The following TACR2 variants were observed in gnomAD, a reference collection of about 807,000 sequenced individuals.
TACR2 encodes substance-K receptor.
Under a neutral mutation model 28.9 loss-of-function variants are expected in TACR2, and 24 were observed. The ratio of observed to expected loss-of-function variants is 0.83; its 90% confidence interval spans 0.60 to 1.17. The LOEUF is 1.17. Among genes scored for constraint, TACR2 ranks in the 50% most tolerant of loss-of-function variants. TACR2 has a pLI of 0.00. For missense variants in TACR2, 487 were observed against 524.4 expected, an observed-to-expected ratio of 0.93 and a Z score of 0.70; for synonymous variants, 222 against 212.6, an observed-to-expected ratio of 1.04 and a Z score of -0.38.
chr10:69,414,514 G>C (rs1296052786), intron 2 of TACR2, among the ~76,000 whole-genome samples: 4 of 152,190 alleles, frequency 2.6e-5, no homozygotes, highest in Non-Finnish European at 5.9e-5. Flanking sequence ...GCATATTTGA[G>C]TAGCAGAGTG....
rs1395366637 is a variant in TACR2 at position 69,407,274 on chromosome 10, T to G, written c.748A>C (p.Lys250Gln). The change falls in exon 4 of 5, where the codon AAG becomes CAG. Residue 250 changes from lysine (K) to glutamine (Q), a missense_variant. Physicochemically the swap from Lys to Gln is moderately conservative, Grantham distance 53. Transcript: ENST00000373306. Reference protein sequence around the residue: ...RHLQAMKKFVKTMVLVVLTFA... With the variant: ...RHLQAMKKFVQTMVLVVLTFA... ...GTCAGCACCACCAGCACCATGGTCT[T>G]CACAAACTGGTCCAGGAGAGGCTCA... 1.2e-6 allele frequency: 2 copies of G among 1,610,644 alleles called. No homozygotes were observed. The highest frequency in any genetic ancestry group is 2.7e-5 in the African/African-American group (2 of 74,678).
intron 2 of TACR2, among the ~76,000 whole-genome samples, chr10:69,413,773 T>A (rs565148335): frequency 1.3e-5 from 2 of 152,306 alleles, no homozygotes; most frequent in Admixed American, 6.5e-5. Flanking sequence ...CCCTCATGCT[T>A]GGGGCAGCTG....
chr10:69,415,590 A>G (rs890237615), intron 1 of TACR2, among the ~76,000 whole-genome samples: 1 of 152,218 alleles, frequency 6.6e-6, no homozygotes, highest in African/African-American at 2.4e-5. Context: ...TGTATAAGAC[A>G]TATCTTTGGA....
chr10:69,415,241 A>AT, intron 1 of TACR2, 102 bp from the exon 2 acceptor site: 2 of 1,278,308 alleles, frequency 1.6e-6, no homozygotes, highest in East Asian at 2.5e-5. Context: ...CCTTCTAGCC[A>AT]TTCCCCGCAC....
chr10:69,409,599 T>G (rs1350031227), intron 2 of TACR2, among the ~76,000 whole-genome samples: 1 of 152,026 alleles, frequency 6.6e-6, no homozygotes, highest in Non-Finnish European at 1.5e-5. Context: ...ACAAGATATT[T>G]TGAGAGGGAG....
intron 4 of TACR2, among the ~76,000 whole-genome samples, chr10:69,405,766 G>A (rs1181523384): frequency 6.6e-6 from 1 of 152,160 alleles, no homozygotes; most frequent in Non-Finnish European, 1.5e-5. Flanking sequence ...ATCTCCCTTG[G>A]GTAGCAGGAG....
intron 2 of TACR2, among the ~76,000 whole-genome samples, chr10:69,413,293 G>T (rs1205069869): frequency 6.6e-6 from 1 of 152,076 alleles, no homozygotes; most frequent in Non-Finnish European, 1.5e-5. Context: ...AATCCTTTCG[G>T]AATTTTAAGC....
At chr10:69,410,390 G>T (rs755737299) in intron 2 of TACR2, among the ~76,000 whole-genome samples, 1 of 151,918 alleles carries the variant, frequency 6.6e-6, no homozygotes, top group African/African-American at 2.4e-5. Flanking sequence ...GCGTAATGGG[G>T]CACACCTGTA....
At chr10:69,410,069 A>G (rs1490641891) in intron 2 of TACR2, among the ~76,000 whole-genome samples, 3 of 151,690 alleles carry the variant, frequency 2.0e-5, no homozygotes, top group Non-Finnish European at 4.4e-5. Flanking sequence ...TCATCTGCTT[A>G]TGGTTTATCA....
At chr10:69,415,161 A>G (rs752073460) in intron 1 of TACR2, 22 bp from the exon 2 acceptor site, 1 of 1,598,612 alleles carries the variant, frequency 6.3e-7, no homozygotes, top group Admixed American at 1.7e-5. Context: ...GGGCAGCTTG[A>G]GCGGCAGGGG....
rs769491215 is a variant in TACR2 at position 69,415,958 on chromosome 10, G to A, written c.366C>T (p.Tyr122=). The A allele has an allele frequency of 6.2e-7, 1 of 1,614,182 alleles. No homozygotes were observed. The change falls in exon 1 of 5, where the codon TAC becomes TAT. Residue 122 remains tyrosine (Y), a synonymous_variant. Coordinates refer to ENST00000373306, the MANE Select transcript of TACR2 (RefSeq NM_001057.3). ...FPITAMFVSI[Y]SMTAIAADRY... The stretch of plus-strand genomic sequence containing the variant: ...TGTCGGCAGCAATGGCGGTCATGGA[G>A]TAGATGCTGACAAACATGGCTGTGA...
chr10:69,415,144 G>T lies in TACR2; in HGVS notation c.393-5C>A. 1 of 1,607,770 alleles carries T rather than the reference G, an allele frequency of 6.2e-7. No homozygotes were observed. The highest frequency in any genetic ancestry group is 8.5e-7 in the Non-Finnish European group (1 of 1,176,830). ...GGGTGGACGATGGCCATGTACCTGT[G>T]AGCAGAGGGCAGCTTGAGCGGCAGG... On this transcript the variant is annotated splice_polypyrimidine_tract_variant and splice_region_variant and intron_variant, in intron 1 of 4. Transcript: ENST00000373306.
In TACR2 at chr10:69,407,140, C is replaced by T; in HGVS notation, c.882G>A (p.Trp294Ter). The T allele has an allele frequency of 6.2e-7, 1 of 1,613,980 alleles. No homozygotes were observed. The highest frequency in any genetic ancestry group is 8.5e-7 in the Non-Finnish European group (1 of 1,179,962). Residue 294 changes from tryptophan (W) to a stop codon, truncating the protein, a stop_gained, in exon 4 of 5, where the codon TGG becomes TGA. Transcript: ENST00000373306. LOFTEE classifies it high-confidence loss of function. ...FIQQVYLALF[W>*]LAMSSTMYNP... The stretch of plus-strand genomic sequence containing the variant: ...TGTACATGGTAGAGCTCATGGCCAA[C>T]CAGAAGAGTGCCAGGTAGACTTGCT...
intron 4 of TACR2, among the ~76,000 whole-genome samples, chr10:69,405,633 A>G (rs1180322300): frequency 6.6e-6 from 1 of 152,222 alleles, no homozygotes; most frequent in Non-Finnish European, 1.5e-5. Flanking sequence ...GGAAGCACAC[A>G]CGGTGAGTGG....
At chr10:69,408,298 G>A (rs531924110) in intron 3 of TACR2, among the ~76,000 whole-genome samples, 1 of 152,272 alleles carries the variant, frequency 6.6e-6, no homozygotes, top group East Asian at 1.9e-4. Context: ...TGACTGTCAG[G>A]CACCTTCTAT....
In TACR2 at chr10:69,416,817, A is replaced by G. The variant is rs201734737; in HGVS notation, c.-494T>C. ...TCTGGAGTCCACAGGTCAATGGCGC[A>G]GCAGCCTCTCTCCAGGCTTTGGGCT... On this transcript the variant is annotated 5_prime_UTR_variant, in exon 1 of 5. Transcript: ENST00000373306. 34 of 153,084 alleles carry G rather than the reference A, an allele frequency of 2.2e-4. No individual in the cohort carries two copies. The highest frequency in any genetic ancestry group is 7.2e-4 in the Admixed American group (11 of 15,356). The allele number at this position is 153,084 out of a possible 1,614,324, so 9.5% of individuals were successfully genotyped here.
intron 2 of TACR2, among the ~76,000 whole-genome samples, chr10:69,413,648 A>C (rs1439473460): frequency 6.6e-6 from 1 of 152,226 alleles, no homozygotes; most frequent in East Asian, 1.9e-4. Flanking sequence ...GAAGCCCACA[A>C]GAGCAGCCTT....
intron 2 of TACR2, among the ~76,000 whole-genome samples, chr10:69,413,349 T>C (rs563193944): frequency 3.2e-4 from 49 of 152,330 alleles, no homozygotes; most frequent in African/African-American, 1.2e-3. Flanking sequence ...CCGCCTGTTT[T>C]TCCCAGTCGC....
chr10:69,409,904 CATATATATATATATAT>C (rs10663894), intron 2 of TACR2, among the ~76,000 whole-genome samples: 2 of 34,674 alleles, frequency 5.8e-5, no homozygotes, highest in African/African-American at 3.0e-4. Flanking sequence ...TATATATATA[CATATATATATATATAT>C]ATATATATAT....
Sources: gnomAD v4.1 joint callset for allele counts (sites outside exome capture counted in the v4.1 genomes callset) on GRCh38, gnomAD v4.1.1 for gene constraint, MANE v1.5 for transcripts, NCBI Gene and HGNC (gene_info 2026-07-23, HGNC 2026-07-21) for gene names.